SLC8A1: variants seen among roughly 807,000 people sequenced by gnomAD.
The protein encoded by SLC8A1 is solute carrier family 8 member A1, also known as sodium/calcium exchanger 1.
A neutral mutation model predicts 68.3 loss-of-function variants in SLC8A1; 18 were observed. That is an observed-to-expected ratio of 0.26 (90% CI 0.18 to 0.39). The LOEUF is 0.39. Among genes scored for constraint, SLC8A1 ranks in the 10% least tolerant of loss-of-function variants. The pLI, the probability that SLC8A1 is intolerant of heterozygous loss-of-function variation, is 1.00. For missense variants in SLC8A1, 985 were observed against 1,156.7 expected, an observed-to-expected ratio of 0.85 and a Z score of 2.15; for synonymous variants, 475 against 415.5, an observed-to-expected ratio of 1.14 and a Z score of -1.74.
chr2:40,169,439 C>T (rs937992847), intron 4 of SLC8A1, among the ~76,000 whole-genome samples: 1 of 151,940 alleles, frequency 6.6e-6, no homozygotes, highest in East Asian at 1.9e-4. Flanking sequence ...TGATACAGAC[C>T]CAAATATCAT....
chr2:40,358,048 G>GAAAAAAAA (rs776231355), intron 2 of SLC8A1, among the ~76,000 whole-genome samples: 3 of 77,706 alleles, frequency 3.9e-5, no homozygotes, highest in African/African-American at 1.5e-4. Flanking sequence ...GCAACTGAAG[G>GAAAAAAAA]AAAAAAAAAA....
chr2:40,290,500 A>C (rs1575111991), intron 2 of SLC8A1, among the ~76,000 whole-genome samples: 2 of 152,300 alleles, frequency 1.3e-5, no homozygotes, highest in East Asian at 3.9e-4. Context: ...AGTCTGGGCC[A>C]GATTTACCAT....
At chr2:40,377,338 C>A (rs761600510) in intron 2 of SLC8A1, among the ~76,000 whole-genome samples, 1 of 152,082 alleles carries the variant, frequency 6.6e-6, no homozygotes, top group Non-Finnish European at 1.5e-5. Flanking sequence ...AAGACCCCAG[C>A]CTTGGCCAAT....
chr2:40,393,036 C>G (rs1685823520), intron 2 of SLC8A1, among the ~76,000 whole-genome samples: 1 of 152,066 alleles, frequency 6.6e-6, no homozygotes, highest in Admixed American at 6.6e-5. Flanking sequence ...GTGATACTGA[C>G]TGAATTTTAT....
intron 2 of SLC8A1, among the ~76,000 whole-genome samples, chr2:40,233,917 C>T (rs1465363298): frequency 1.3e-5 from 2 of 151,742 alleles, no homozygotes; most frequent in African/African-American, 2.4e-5. Flanking sequence ...AGATATGCGG[C>T]ATTATTTCTG....
At chr2:40,326,625 G>A (rs921863305) in intron 2 of SLC8A1, among the ~76,000 whole-genome samples, 1 of 152,088 alleles carries the variant, frequency 6.6e-6, no homozygotes, top group Non-Finnish European at 1.5e-5. Context: ...AGAGTTAAAG[G>A]AAAAGGTGGT....
At chr2:40,494,929 C>T (rs1043906056) in intron 1 of SLC8A1, among the ~76,000 whole-genome samples, 4 of 151,286 alleles carry the variant, frequency 2.6e-5, no homozygotes, top group Non-Finnish European at 4.4e-5. Context: ...TAACCCTAAA[C>T]CTAGTGATAT....
chr2:40,370,013 G>C (rs1327302695), intron 2 of SLC8A1, among the ~76,000 whole-genome samples: 1 of 152,104 alleles, frequency 6.6e-6, no homozygotes, highest in African/African-American at 2.4e-5. Context: ...GAGAAGTTGA[G>C]ATAACTGTAA....
intron 2 of SLC8A1, among the ~76,000 whole-genome samples, chr2:40,347,789 G>T (rs1466963028): frequency 4.6e-5 from 7 of 152,132 alleles, no homozygotes; most frequent in Admixed American, 2.0e-4. Context: ...GATCTTTAGT[G>T]ATTAATCCTG....
intron 2 of SLC8A1, among the ~76,000 whole-genome samples, chr2:40,366,641 G>T (rs1244961627): frequency 6.6e-6 from 1 of 151,932 alleles, no homozygotes; most frequent in Admixed American, 6.6e-5. Context: ...TCATTTAGAT[G>T]GTTTGGAGGA....
intron 2 of SLC8A1, among the ~76,000 whole-genome samples, chr2:40,415,283 G>A (rs4952621): frequency 0.31 from 46,929 of 151,944 alleles, 7,968 homozygotes; most frequent in East Asian, 0.66. Flanking sequence ...TCTCATTTAA[G>A]AAGAAAAATT....
chr2:40,113,377 C>A (rs1298027643), exon 8 of SLC8A1: 1 of 152,848 alleles, frequency 6.5e-6, no homozygotes, highest in East Asian at 1.9e-4. Flanking sequence ...TTAGTGGACT[C>A]ACTACTTTGG....
At chr2:40,182,136 C>A (rs551738680) in intron 2 of SLC8A1, among the ~76,000 whole-genome samples, 2 of 152,254 alleles carry the variant, frequency 1.3e-5, no homozygotes, top group Admixed American at 1.3e-4. Context: ...TGTTTACCAA[C>A]GGGAAACATA....
chr2:40,413,911 G>A (rs907586210), intron 2 of SLC8A1, among the ~76,000 whole-genome samples: 3 of 152,168 alleles, frequency 2.0e-5, no homozygotes, highest in African/African-American at 7.2e-5. Flanking sequence ...CTCACTAGGT[G>A]TGCATGTAGT....
At chr2:40,207,872 G>A (rs1328492325) in intron 2 of SLC8A1, among the ~76,000 whole-genome samples, 1 of 152,066 alleles carries the variant, frequency 6.6e-6, no homozygotes, top group Admixed American at 6.6e-5. Flanking sequence ...TTTACTTAGA[G>A]TGTTTTCTAA....
At chr2:40,126,618 G>C (rs1045657395) in intron 7 of SLC8A1, among the ~76,000 whole-genome samples, 4 of 152,174 alleles carry the variant, frequency 2.6e-5, no homozygotes, top group African/African-American at 4.8e-5. Context: ...AGTAAATCTA[G>C]GGGTGGGGTG....
chr2:40,405,647 T>C (rs933268501), intron 2 of SLC8A1, among the ~76,000 whole-genome samples: 2 of 152,216 alleles, frequency 1.3e-5, no homozygotes, highest in African/African-American at 2.4e-5. Flanking sequence ...GTTTCTTTTT[T>C]AGAAATGTTA....
At chr2:40,414,362 GT>G (rs1420885047) in intron 2 of SLC8A1, among the ~76,000 whole-genome samples, 1 of 152,190 alleles carries the variant, frequency 6.6e-6, no homozygotes, top group Non-Finnish European at 1.5e-5. Context: ...AACAAGGTGT[GT>G]TTTAATGTGA....
chr2:40,457,724 T>G (rs568888528), intron 1 of SLC8A1, among the ~76,000 whole-genome samples: 7 of 152,342 alleles, frequency 4.6e-5, no homozygotes, highest in African/African-American at 1.7e-4. Flanking sequence ...TATTATCCAG[T>G]CACACAAAAG....
Sources: allele counts gnomAD v4.1 joint callset (sites outside exome capture counted in the v4.1 genomes callset), GRCh38; gene constraint gnomAD v4.1.1; transcripts MANE v1.5; gene names NCBI Gene and HGNC (gene_info 2026-07-23, HGNC 2026-07-21).